PPFIA2: variants seen among roughly 807,000 people sequenced by gnomAD.
The protein encoded by PPFIA2 is PPFI scaffold protein A2.
PPFIA2 carries 46 observed loss-of-function variants against 175.5 expected under a neutral mutation model. The ratio of observed to expected loss-of-function variants is 0.26; its 90% CI spans 0.21 to 0.34. The LOEUF (loss-of-function observed/expected upper bound fraction) is 0.34, where lower values mean the gene tolerates loss of function less well. PPFIA2 is among the 10% of genes least tolerant of loss of function. The probability of loss-of-function intolerance (pLI) is 1.00; values close to 1 mark genes in which losing one functional copy is unlikely to be tolerated. For missense variants in PPFIA2, 1,179 were observed against 1,506.1 expected (o/e 0.78, Z 3.60); for synonymous variants, 568 against 511.4 (o/e 1.11, Z -1.49).
At chr12:81,472,040 A>G (rs1336526428) in intron 4 of PPFIA2, among the ~76,000 whole-genome samples, 1 of 152,224 alleles carries the variant, frequency 6.6e-6, no homozygotes, top group Non-Finnish European at 1.5e-5. Context: ...GAAATGTAGT[A>G]TACATGCTAT....
intron 4 of PPFIA2, among the ~76,000 whole-genome samples, chr12:81,525,078 A>G (rs536609702): frequency 6.6e-6 from 1 of 152,310 alleles, no homozygotes; most frequent in East Asian, 1.9e-4. Context: ...TCTGCTGTCT[A>G]TAAGTTACCC....
intron 4 of PPFIA2, among the ~76,000 whole-genome samples, chr12:81,655,492 A>T (rs181051498): frequency 6.6e-6 from 1 of 152,032 alleles, no homozygotes; most frequent in Admixed American, 6.6e-5. Flanking sequence ...GTCAATATGT[A>T]GTATCTCAAA....
chr12:81,499,512 A>C (rs1340718660), intron 4 of PPFIA2, among the ~76,000 whole-genome samples: 1 of 152,174 alleles, frequency 6.6e-6, no homozygotes, highest in Non-Finnish European at 1.5e-5. Context: ...GGAACAGAGA[A>C]AGAGGACAAA....
chr12:81,632,883 C>T (rs1443506220), intron 4 of PPFIA2, among the ~76,000 whole-genome samples: 1 of 151,894 alleles, frequency 6.6e-6, no homozygotes, highest in African/African-American at 2.4e-5. Context: ...CCCTGTGGAC[C>T]CTGGCATTCT....
chr12:81,431,451 T>C (rs924995421), intron 7 of PPFIA2: 1 of 152,334 alleles, frequency 6.6e-6, no homozygotes, highest in Non-Finnish European at 1.5e-5. Context: ...GCCTGGAACA[T>C]GTAATCAACA....
At chr12:81,612,904 T>A (rs1174535965) in intron 4 of PPFIA2, among the ~76,000 whole-genome samples, 1 of 152,210 alleles carries the variant, frequency 6.6e-6, no homozygotes, top group Non-Finnish European at 1.5e-5. Context: ...TCTTCTTATT[T>A]GTTAACTGTT....
chr12:81,479,076 A>G (rs1013772863), intron 4 of PPFIA2, among the ~76,000 whole-genome samples: 13 of 152,156 alleles, frequency 8.5e-5, no homozygotes, highest in Non-Finnish European at 1.3e-4. Context: ...GTCTCTAAGA[A>G]CTTGCTGTAT....
chr12:81,438,196 G>A (rs1292177742), intron 7 of PPFIA2, among the ~76,000 whole-genome samples: 5 of 152,128 alleles, frequency 3.3e-5, no homozygotes, highest in South Asian at 4.1e-4. Flanking sequence ...GTGGCTGGGC[G>A]CGGTGGCTCA....
chr12:81,689,413 C>T (rs1194999214), intron 3 of PPFIA2, among the ~76,000 whole-genome samples: 1 of 151,918 alleles, frequency 6.6e-6, no homozygotes, highest in Non-Finnish European at 1.5e-5. Context: ...TCAATTGATG[C>T]TACCAGGATT....
At chr12:81,533,612 T>C (rs972889034) in intron 4 of PPFIA2, among the ~76,000 whole-genome samples, 8 of 151,508 alleles carry the variant, frequency 5.3e-5, no homozygotes, top group Non-Finnish European at 1.2e-4. Context: ...TTTATAGTTA[T>C]GAATATGTGA....
intron 2 of PPFIA2, among the ~76,000 whole-genome samples, chr12:81,757,606 T>G (rs2084890515): frequency 6.6e-6 from 1 of 152,208 alleles, no homozygotes; most frequent in South Asian, 2.1e-4. Flanking sequence ...AATAACTCCT[T>G]TATTCTTAGC....
At position 81,683,684 on chromosome 12, in the gene PPFIA2, C is replaced by T. The variant is rs114838351; in HGVS notation, c.250-6840G>A. ...TTTGGCTTGTATCTCAAGGCCTTTG[C>T]CCATGCTTTTCCTGCTTCTTAGGGT... On this transcript the variant is annotated intron_variant, in intron 3 of 32. Transcript: ENST00000549396. Among the ~76,000 whole-genome samples the T allele has an allele frequency of 2.8e-3, 427 of 152,192 alleles. 2 individuals are homozygous for T. The highest frequency in any genetic ancestry group is 8.5e-3 in the African/African-American group (353 of 41,558).
rs1184320912 is a variant in PPFIA2, at chr12:81,263,483, T to C, written c.3556-93A>G. Reference sequence around the variant, plus strand: ...GCTTAGAAACATGTAACATAGATTATTTACATTTAGTCTGTCAAGTATACG... The same window carrying C: ...GCTTAGAAACATGTAACATAGATTACTTACATTTAGTCTGTCAAGTATACG... On this transcript the variant is annotated intron_variant, in intron 30 of 32. Coordinates refer to ENST00000549396, the MANE Select transcript of PPFIA2 (RefSeq NM_003625.5). 3.5e-6 allele frequency: 4 copies of C among 1,139,150 alleles called. No homozygotes were observed. In the African/African-American group the frequency reaches 6.2e-5, roughly 18 times the overall value. 70.6% of individuals were successfully genotyped at this position (1,139,150 alleles called of 1,614,324 possible).
At chr12:81,334,856 C>T (rs1157492483) in intron 21 of PPFIA2, among the ~76,000 whole-genome samples, 2 of 152,170 alleles carry the variant, frequency 1.3e-5, no homozygotes, top group Non-Finnish European at 2.9e-5. Flanking sequence ...ATTTTTGTAA[C>T]AAATCATTTC....
At chr12:81,614,911 G>A (rs1460035993) in intron 4 of PPFIA2, among the ~76,000 whole-genome samples, 2 of 151,956 alleles carry the variant, frequency 1.3e-5, no homozygotes, top group African/African-American at 2.4e-5. Flanking sequence ...CTAATATCAC[G>A]TAACTAATAA....
intron 16 of PPFIA2, among the ~76,000 whole-genome samples, chr12:81,354,809 A>C (rs1566390335): frequency 6.6e-6 from 1 of 151,872 alleles, no homozygotes; most frequent in African/African-American, 2.4e-5. Context: ...ACACCCAGCT[A>C]ATTTTTGTAC....
chr12:81,408,549 G>C (rs1156786872), intron 7 of PPFIA2, among the ~76,000 whole-genome samples: 1 of 152,042 alleles, frequency 6.6e-6, no homozygotes, highest in Non-Finnish European at 1.5e-5. Flanking sequence ...AAATAAAGCA[G>C]GCCATCTATA....
intron 4 of PPFIA2, among the ~76,000 whole-genome samples, chr12:81,600,697 T>C (rs2059699718): frequency 6.6e-6 from 1 of 152,020 alleles, no homozygotes; most frequent in Admixed American, 6.6e-5. Flanking sequence ...TGAAATATTC[T>C]AGATACGTGT....
chr12:81,758,599 G>C (rs2085055699), intron 1 of PPFIA2, 92 bp from the exon 2 acceptor site: 4 of 353,774 alleles, frequency 1.1e-5, no homozygotes, highest in Non-Finnish European at 2.3e-5. Context: ...GCAGGAGCTC[G>C]GCATCTTCCC....
Sources: allele counts gnomAD v4.1 joint callset (sites outside exome capture counted in the v4.1 genomes callset), GRCh38; gene constraint gnomAD v4.1.1; transcripts MANE v1.5; gene names NCBI Gene and HGNC (gene_info 2026-07-23, HGNC 2026-07-21).